Variants in NCS1 observed in about 807,000 individuals in gnomAD.
NCS1 encodes frequenin homolog.
NCS1 carries 6 observed loss-of-function variants against 28.4 expected under a neutral mutation model. That is an observed-to-expected ratio of 0.21 (90% CI 0.12 to 0.42). NCS1 has a LOEUF of 0.42. Among genes scored for constraint, NCS1 ranks in the 10% least tolerant of loss-of-function variants. NCS1 has a pLI of 1.00. For synonymous variants in NCS1, 86 were observed against 99.3 expected (o/e 0.87, Z 0.79); for missense variants, 131 against 241.4 (o/e 0.54, Z 3.03).
chr9:130,200,834 C>T lies in NCS1; in HGVS notation c.65-124C>T, dbSNP rs189047781. 312 of 1,469,438 alleles carry T rather than the reference C, an allele frequency of 2.1e-4. No individual in the cohort carries two copies. The African/African-American group carries it at 2.7e-3, about 13-fold the overall frequency. 91.0% of individuals were successfully genotyped at this position (1,469,438 alleles called of 1,614,324 possible). ...GAGCATTTTCTCATCCAGAGCAGGC[C>T]GTTGCCCGGGGACATGGCCGTGGGG... is the stretch of plus-strand genomic sequence containing the variant. On this transcript the variant is annotated intron_variant, in intron 1 of 7. Transcript: ENST00000372398.
In NCS1 at chr9:130,192,273, G is replaced by C. The variant is rs1554906333; in HGVS notation, c.65-8685G>C. ...CCTGCGTCTGCTGTCACGTTACTCT[G>C]AGCTTGGAGGCAGTGCCGCCGAGCA... On this transcript the variant is annotated intron_variant, in intron 1 of 7. Transcript: ENST00000372398. The surrounding 1 kb of genome is among the most constrained non-coding windows in gnomAD (Gnocchi z 4.8). Among the ~76,000 whole-genome samples the C allele has an allele frequency of 2.6e-5, 4 of 152,162 alleles. No individual in the cohort carries two copies.
intron 7 of NCS1, among the ~76,000 whole-genome samples, chr9:130,231,445 G>T (rs190134951): frequency 6.6e-6 from 1 of 151,862 alleles, no homozygotes; most frequent in African/African-American, 2.4e-5. Context: ...GTGCAATGAC[G>T]TGATCTTGGC....
At position 130,233,740 on chromosome 9, in the gene NCS1, C is replaced by T. The variant is rs1178446090; in HGVS notation, c.*768C>T. 2 of 152,574 alleles carry T rather than the reference C, an allele frequency of 1.3e-5. No individual in the cohort carries two copies. The highest frequency in any genetic ancestry group is 1.3e-4 in the Admixed American group (2 of 15,274). The allele number at this position is 152,574 out of a possible 1,614,324, so 9.5% of individuals were successfully genotyped here. On this transcript the variant is annotated 3_prime_UTR_variant, in exon 8 of 8. Coordinates refer to ENST00000372398, the MANE Select transcript of NCS1 (RefSeq NM_014286.4). The surrounding 1 kb of genome is among the most constrained non-coding windows in gnomAD (Gnocchi z 4.8). ...GTTTACATGTGCACGCCCTGACCCA[C>T]CTGCCCACGCCGACTTGGGAGGATG...
At chr9:130,193,174 C>T (rs10819611) in intron 1 of NCS1, among the ~76,000 whole-genome samples, 88,961 of 152,054 alleles carry the variant, frequency 0.59, 28,561 homozygotes, top group East Asian at 0.85. Context: ...GGCAGAGCAC[C>T]CTATTCTCAG....
intron 1 of NCS1, among the ~76,000 whole-genome samples, chr9:130,189,817 A>C (rs1471756503): frequency 1.1e-4 from 15 of 138,772 alleles, no homozygotes; most frequent in Non-Finnish European, 1.2e-4. Context: ...GTGCCACTGC[A>C]CTCCAGCCTG....
At chr9:130,221,401 T>TAGAG (rs1564713668) in intron 4 of NCS1, among the ~76,000 whole-genome samples, 28 of 45,056 alleles carry the variant, frequency 6.2e-4, no homozygotes, top group Middle Eastern at 0.013. Context: ...TATATATATA[T>TAGAG]ATATATATAT....
At position 130,180,686 on chromosome 9, in the gene NCS1, CAG is replaced by C. The variant is rs1248317161; in HGVS notation, c.64+7960_64+7961del. 1.3e-5 allele frequency among the ~76,000 whole-genome samples: 2 copies of C among 152,140 alleles called. No homozygotes were observed. Among genetic ancestry groups the C allele is most frequent in the Non-Finnish European group, 2.9e-5 (2 of 68,028 alleles). On this transcript the variant is annotated intron_variant, in intron 1 of 7. Transcript: ENST00000372398. The surrounding 1 kb of genome is among the most constrained non-coding windows in gnomAD (Gnocchi z 4.5). ...GCTCTGAGGTCCCTTGCGCATGAGACAGGGATGTTTGCACAGGGATCTGCACG... is the reference window on the plus strand; with the variant it reads ...GCTCTGAGGTCCCTTGCGCATGAGACGGATGTTTGCACAGGGATCTGCACG...
In NCS1 at chr9:130,175,651, G is replaced by T. The variant is rs1321045554; in HGVS notation, c.64+2924G>T. 6.6e-6 allele frequency among the ~76,000 whole-genome samples: 1 copy of T among 152,162 alleles called. No homozygotes were observed. The highest frequency in any genetic ancestry group is 1.5e-5 in the Non-Finnish European group (1 of 68,032). ...GAGTCGGTGCTGGGCAGTGTCCTTG[G>T]TGGGCGTCTCTGGCTCTGTCTGTGG... On this transcript the variant is annotated intron_variant, in intron 1 of 7. Transcript: ENST00000372398. This position sits in a 1 kb window ranked among gnomAD's most constrained non-coding sequence, Gnocchi z 4.9.
intron 1 of NCS1, chr9:130,200,331 G>T: frequency 3.6e-6 from 2 of 552,278 alleles, no homozygotes; most frequent in Non-Finnish European, 6.4e-6. Context: ...AGTAAAGAAT[G>T]GGTATGTGGG....
chr9:130,206,026 A>G (rs1253213810), intron 2 of NCS1, among the ~76,000 whole-genome samples: 3 of 152,048 alleles, frequency 2.0e-5, no homozygotes, highest in Non-Finnish European at 1.5e-5. Flanking sequence ...GTATTCTACA[A>G]TGGTCCCATC....
intron 1 of NCS1, among the ~76,000 whole-genome samples, chr9:130,183,307 G>GC (rs1226945854): frequency 2.2e-4 from 26 of 116,972 alleles, no homozygotes; most frequent in African/African-American, 7.0e-4. Context: ...CCATGCGGCT[G>GC]GGGGGGGGAG....
At chr9:130,216,994 A>G (rs530759663) in intron 2 of NCS1, among the ~76,000 whole-genome samples, 2 of 152,272 alleles carry the variant, frequency 1.3e-5, no homozygotes, top group South Asian at 4.1e-4. Context: ...TAAGTTCACA[A>G]TTCTAAAGAT....
rs143509312 is a variant in NCS1 at position 130,230,350 on chromosome 9, G to GAAAAAC, written c.*18-2635_*18-2630dup. On this transcript the variant is annotated intron_variant, in intron 7 of 7. Transcript: ENST00000372398. ...TGGGTGACAGAGTGAGACTCTGTCTGAAAAACAAAACAAAACAAATTATCT... is the reference window on the plus strand; with the variant it reads ...TGGGTGACAGAGTGAGACTCTGTCTGAAAAACAAAAACAAAACAAAACAAATTATCT... Among the ~76,000 whole-genome samples the GAAAAAC allele has an allele frequency of 3.8e-3, 573 of 151,978 alleles. 5 individuals are homozygous for GAAAAAC. Among genetic ancestry groups the GAAAAAC allele is most frequent in the African/African-American group, 0.013 (538 of 41,466 alleles).
intron 2 of NCS1, among the ~76,000 whole-genome samples, chr9:130,205,556 G>T (rs1554907974): frequency 1.3e-5 from 1 of 79,474 alleles, no homozygotes; most frequent in Non-Finnish European, 2.7e-5. Context: ...AAAAAAAAAA[G>T]CCTGGGCACG....
intron 1 of NCS1, among the ~76,000 whole-genome samples, chr9:130,193,393 A>T (rs2131128877): frequency 6.6e-6 from 1 of 152,052 alleles, no homozygotes; most frequent in South Asian, 2.1e-4. Context: ...GGGGGCTGAG[A>T]AGAGGCCGGC....
rs1354835356 is a variant in NCS1, at chr9:130,222,750, G to C, written c.396+12G>C. 3.1e-6 allele frequency: 5 copies of C among 1,613,336 alleles called. No individual in the cohort carries two copies. In the African/African-American group the frequency reaches 5.3e-5, roughly 17 times the overall value. On this transcript the variant is annotated intron_variant, in intron 5 of 7. Transcript: ENST00000372398. ...TTTACCAGATGGTGGTGAGAAGCCG[G>C]GTCTCGTGTGGTTAGGGGTGGCAGG...
chr9:130,232,340 G>C lies in NCS1; in HGVS notation c.*18-650G>C, dbSNP rs1833510799. Among the ~76,000 whole-genome samples, 1 of 152,128 alleles carries C rather than the reference G, an allele frequency of 6.6e-6. No individual in the cohort carries two copies. Among genetic ancestry groups the C allele is most frequent in the Admixed American group, 6.5e-5 (1 of 15,268 alleles). ...GACTGTTCTATGTGTTGTTTTTAAT[G>C]GTTTGTAAACTGTTTTATCCTGTGG... On this transcript the variant is annotated intron_variant, in intron 7 of 7. Coordinates refer to ENST00000372398, the MANE Select transcript of NCS1 (RefSeq NM_014286.4). The surrounding 1 kb of genome is among the most constrained non-coding windows in gnomAD (Gnocchi z 4.4).
chr9:130,188,053 T>C (rs1832763085), intron 1 of NCS1, among the ~76,000 whole-genome samples: 1 of 152,256 alleles, frequency 6.6e-6, no homozygotes, highest in Non-Finnish European at 1.5e-5. Context: ...TTGCAGTTCC[T>C]GCCCCTGTGG....
At chr9:130,195,933 G>T (rs1330431662) in intron 1 of NCS1, among the ~76,000 whole-genome samples, 1 of 152,324 alleles carries the variant, frequency 6.6e-6, no homozygotes, top group South Asian at 2.1e-4. Flanking sequence ...TGAACCCAGA[G>T]CCCAGAGCCC....
Sources: allele counts gnomAD v4.1 joint callset (sites outside exome capture counted in the v4.1 genomes callset), GRCh38; gene constraint gnomAD v4.1.1; non-coding constraint Gnocchi (gnomAD v3.1); transcripts MANE v1.5; gene names NCBI Gene and HGNC (gene_info 2026-07-23, HGNC 2026-07-21).